Variants in NKX2-2 observed in about 807,000 individuals in gnomAD.
NKX2-2 encodes the protein homeobox protein Nkx-2.2.
In NKX2-2, 8 loss-of-function variants were observed where a neutral mutation model predicts 24.6. That is an observed-to-expected ratio of 0.32 (90% CI 0.19 to 0.59). NKX2-2 has a LOEUF of 0.59. NKX2-2 is among the 20% of genes least tolerant of loss of function. The pLI, the probability that NKX2-2 is intolerant of heterozygous loss-of-function variation, is 0.86. For missense variants in NKX2-2, 381 were observed against 373.9 expected (o/e 1.02, Z -0.16); for synonymous variants, 217 against 173.3 (o/e 1.25, Z -1.98).
At chr20:21,514,970 C>T (rs1198215052), upstream of NKX2-2, among the ~76,000 whole-genome samples, 1 of 151,432 alleles carries the variant, frequency 6.6e-6, no homozygotes, top group Non-Finnish European at 1.5e-5. Flanking sequence ...CTCCCCCCAC[C>T]TCCCACCCCC....
the NKX2-2 span, among the ~76,000 whole-genome samples, chr20:21,520,949 G>T: frequency 6.6e-6 from 1 of 152,102 alleles, no homozygotes; most frequent in Admixed American, 6.5e-5. Context: ...CTTAACACGT[G>T]ACAAAATCAT....
upstream of NKX2-2, among the ~76,000 whole-genome samples, chr20:21,515,788 C>A (rs1487350285): frequency 1.3e-5 from 2 of 152,164 alleles, no homozygotes; most frequent in African/African-American, 4.8e-5. Context: ...GGGTCCTCCT[C>A]GCGCGCAGCT....
chr20:21,512,162 T>A lies in NKX2-2; in HGVS notation c.583A>T (p.Thr195Ser). The A allele has an allele frequency of 6.2e-7, 1 of 1,613,792 alleles. No homozygotes were observed. The highest frequency in any genetic ancestry group is 8.5e-7 in the Non-Finnish European group (1 of 1,179,900). Residue 195 changes from threonine to serine, a missense_variant, in exon 2 of 2, where the codon ACG becomes TCG. Physicochemically the swap from Thr to Ser is moderately conservative, Grantham distance 58. Coordinates refer to ENST00000377142, the MANE Select transcript of NKX2-2 (RefSeq NM_002509.4). ...RARAEKGMEV[T>S]PLPSPRRVAV... ...ACCCGGCGCGGCGAGGGCAGGGGCGTCACCTCCATACCTTTCTCGGCCCGG... is the reference window on the plus strand; with the variant it reads ...ACCCGGCGCGGCGAGGGCAGGGGCGACACCTCCATACCTTTCTCGGCCCGG...
upstream of NKX2-2, among the ~76,000 whole-genome samples, chr20:21,515,033 T>C (rs1202083427): frequency 1.3e-5 from 2 of 151,478 alleles, no homozygotes; most frequent in Non-Finnish European, 2.9e-5. Flanking sequence ...GTTCACTTTC[T>C]GCTTTGCGGG....
At chr20:21,520,580 C>T in the NKX2-2 span, among the ~76,000 whole-genome samples, 1 of 152,122 alleles carries the variant, frequency 6.6e-6, no homozygotes, top group Non-Finnish European at 1.5e-5. Context: ...TTAAATTGAA[C>T]ACGAACTGTG....
At chr20:21,520,851 T>G in the NKX2-2 span, among the ~76,000 whole-genome samples, 1 of 152,226 alleles carries the variant, frequency 6.6e-6, no homozygotes, top group African/African-American at 2.4e-5. Flanking sequence ...AAGCCCGACC[T>G]TCCCCGGATG....
upstream of NKX2-2, among the ~76,000 whole-genome samples, chr20:21,515,534 C>T (rs1265073050): frequency 1.3e-5 from 2 of 151,602 alleles, no homozygotes; most frequent in East Asian, 1.9e-4. Flanking sequence ...ACTTCCTCCT[C>T]GGCGCTGGGG....
At chr20:21,514,971 T>G (rs879521818), upstream of NKX2-2, among the ~76,000 whole-genome samples, 2 of 79,122 alleles carry the variant, frequency 2.5e-5, no homozygotes, top group African/African-American at 9.3e-5. Flanking sequence ...TCCCCCCACC[T>G]CCCACCCCCA....
At chr20:21,514,795 A>C (rs1023375069), upstream of NKX2-2, among the ~76,000 whole-genome samples, 1 of 152,328 alleles carries the variant, frequency 6.6e-6, no homozygotes, top group East Asian at 1.9e-4. Context: ...CTTAAGGATG[A>C]GTGCTAGAAA....
chr20:21,516,936 C>T (rs532253607), upstream of NKX2-2, among the ~76,000 whole-genome samples: 2 of 152,340 alleles, frequency 1.3e-5, no homozygotes, highest in East Asian at 1.9e-4. Flanking sequence ...AGCATAGTGA[C>T]CCTTTCTTCT....
In NKX2-2 at chr20:21,512,017, T is replaced by C. The variant is rs1490861613; in HGVS notation, c.728A>G (p.Gln243Arg). Residue 243 changes from glutamine (Q) to arginine (R), a missense_variant, in exon 2 of 2, where the codon CAG becomes CGG. Gln to Arg is a conservative substitution (Grantham distance 43). Coordinates refer to ENST00000377142, the MANE Select transcript of NKX2-2 (RefSeq NM_002509.4). ...GTACTGGGCGTTGTACTGCATGTGC[T>C]GCAGCGACTGCGCGCTGTAGGCAGA... The part of the protein sequence containing the change: ...PFSAYSAQSL[Q>R]HMQYNAQYSS... The C allele has an allele frequency of 6.2e-7, 1 of 1,613,538 alleles. No individual in the cohort carries two copies.
At chr20:21,516,994 A>G (rs1980657212), upstream of NKX2-2, among the ~76,000 whole-genome samples, 1 of 151,686 alleles carries the variant, frequency 6.6e-6, no homozygotes, top group Non-Finnish European at 1.5e-5. Context: ...CCCTCCCCTC[A>G]CCCGTGGGAG....
Position 21,511,028 on chromosome 20 carries a change from T to G in NKX2-2, c.*895A>C, listed in dbSNP as rs1354606609. On this transcript the variant is annotated 3_prime_UTR_variant, in exon 2 of 2. Coordinates refer to ENST00000377142, the MANE Select transcript of NKX2-2 (RefSeq NM_002509.4). ...GCAGGGATTTTTTCTTTTTTTCTTT[T>G]TTAAACACAGGATTTTTATTAAAAT... 1.3e-5 allele frequency: 2 copies of G among 152,362 alleles called. No individual in the cohort carries two copies. The highest frequency in any genetic ancestry group is 2.9e-5 in the Non-Finnish European group (2 of 68,024). 9.4% of individuals were successfully genotyped at this position (152,362 alleles called of 1,614,324 possible).
rs1568636382 is a variant in NKX2-2 at position 21,511,820 on chromosome 20, T to TA, written c.*102dup. 4.8e-6 allele frequency: 4 copies of TA among 831,946 alleles called. No individual in the cohort carries two copies. The African/African-American group carries it at 5.3e-5, about 11-fold the overall frequency. 51.5% of individuals were successfully genotyped at this position (831,946 alleles called of 1,614,324 possible). A position where few individuals can be genotyped will look rare whatever the true frequency, so the allele number is the denominator to read the frequency against. ...GTCAACTCGACTCCATAATAATAAT[T>TA]ATAATAATAATAATAACCACCATAA... On this transcript the variant is annotated 3_prime_UTR_variant, in exon 2 of 2. Coordinates refer to ENST00000377142, the MANE Select transcript of NKX2-2 (RefSeq NM_002509.4).
upstream of NKX2-2, among the ~76,000 whole-genome samples, chr20:21,517,392 G>C (rs545668044): frequency 6.6e-6 from 1 of 152,264 alleles, no homozygotes; most frequent in East Asian, 1.9e-4. Flanking sequence ...CTCCGCGATC[G>C]GTGCTTCCGG....
chr20:21,519,888 C>A, the NKX2-2 span, among the ~76,000 whole-genome samples: 1 of 152,128 alleles, frequency 6.6e-6, no homozygotes, highest in Non-Finnish European at 1.5e-5. Flanking sequence ...CCAGACCGTG[C>A]CCGGCAGATC....
chr20:21,520,264 G>A, the NKX2-2 span, among the ~76,000 whole-genome samples: 1 of 152,076 alleles, frequency 6.6e-6, no homozygotes, highest in African/African-American at 2.4e-5. Context: ...GTCCCCCTGC[G>A]ATTAACTGTG....
chr20:21,522,131 G>T, the NKX2-2 span, among the ~76,000 whole-genome samples: 7 of 152,374 alleles, frequency 4.6e-5, no homozygotes, highest in East Asian at 1.9e-4. Flanking sequence ...CGACAGAGGG[G>T]CCCTGCCCGT....
Position 21,512,008 on chromosome 20 carries a change from T to C in NKX2-2, c.737A>G (p.Gln246Arg), listed in dbSNP as rs776365243. The C allele has an allele frequency of 3.1e-6, 5 of 1,613,318 alleles. No homozygotes were observed. The Admixed American group carries it at 6.7e-5, about 22-fold the overall frequency. ...GGCCGAGCTGTACTGGGCGTTGTAC[T>C]GCATGTGCTGCAGCGACTGCGCGCT... ...AYSAQSLQHM[Q>R]YNAQYSSAST... The change falls in exon 2 of 2, where the codon CAG (glutamine) becomes CGG (arginine). Residue 246 changes from glutamine to arginine, a missense_variant. Gln to Arg is a conservative substitution (Grantham distance 43). Coordinates refer to ENST00000377142, the MANE Select transcript of NKX2-2 (RefSeq NM_002509.4).
Sources: gnomAD v4.1 joint callset for allele counts (sites outside exome capture counted in the v4.1 genomes callset) on GRCh38, gnomAD v4.1.1 for gene constraint, MANE v1.5 for transcripts, NCBI Gene and HGNC (gene_info 2026-07-23, HGNC 2026-07-21) for gene names.